SCN2A: variants seen among roughly 807,000 people sequenced by gnomAD.
SCN2A encodes the protein sodium channel protein type 2 subunit alpha.
SCN2A carries 20 observed loss-of-function variants against 188.7 expected under a neutral mutation model. The observed-to-expected ratio is 0.11, with a 90% CI of 0.07 to 0.15. The LOEUF (loss-of-function observed/expected upper bound fraction) is 0.15. Among genes scored for constraint, SCN2A ranks in the 10% least tolerant of loss-of-function variants. The probability of loss-of-function intolerance (pLI) is 1.00; values close to 1 mark genes in which losing one functional copy is unlikely to be tolerated. For missense variants in SCN2A, 1,278 were observed against 2,445.0 expected (o/e 0.52, Z 10.07); for synonymous variants, 804 against 833.1 (o/e 0.97, Z 0.60).
At chr2:165,337,095 C>T (rs1699043341) in intron 14 of SCN2A, among the ~76,000 whole-genome samples, 2 of 151,862 alleles carry the variant, frequency 1.3e-5, no homozygotes, top group African/African-American at 4.8e-5. Context: ...AAGGAATAAA[C>T]AGAGAACATG....
rs954163440 is a variant in SCN2A at position 165,387,159 on chromosome 2, G to A, written c.4822+143G>A. 5 of 841,536 alleles carry A rather than the reference G, an allele frequency of 5.9e-6. No homozygotes were observed. In the Admixed American group the frequency reaches 1.2e-4, roughly 20 times the overall value. 52.1% of individuals were successfully genotyped at this position (841,536 alleles called of 1,614,324 possible). On this transcript the variant is annotated intron_variant, in intron 26 of 26. Transcript: ENST00000375437. ...CTAATAGTCCATTGTTTTAGTTTTA[G>A]TTTGCCATTTCTCTAATTGCATGCT...
At chr2:165,381,722 G>C (rs1348582080) in intron 25 of SCN2A, among the ~76,000 whole-genome samples, 1 of 151,918 alleles carries the variant, frequency 6.6e-6, no homozygotes, top group Non-Finnish European at 1.5e-5. Context: ...ACCCTTAAAT[G>C]AGATGATATC....
intron 14 of SCN2A, among the ~76,000 whole-genome samples, chr2:165,338,502 C>T (rs1699133634): frequency 6.6e-6 from 1 of 151,946 alleles, no homozygotes; most frequent in African/African-American, 2.4e-5. Flanking sequence ...CCTCATGATC[C>T]GCCCGTCTCG....
At chr2:165,319,619 T>A (rs1697965650) in intron 11 of SCN2A, among the ~76,000 whole-genome samples, 1 of 152,148 alleles carries the variant, frequency 6.6e-6, no homozygotes, top group African/African-American at 2.4e-5. Context: ...AGCCTCACAA[T>A]CATGGCAGAA....
In SCN2A at chr2:165,388,840, G is replaced by A. The variant is rs748566957; in HGVS notation, c.5034G>A (p.Gly1678=). The change falls in exon 27 of 27, where the codon GGG becomes GGA. Residue 1678 remains glycine (G), a synonymous_variant. Transcript: ENST00000375437. Reference sequence around the variant, plus strand: ...TCATGTTCATCTACGCCATCTTTGGGATGTCCAATTTTGCCTATGTTAAGA... The same window carrying A: ...TCATGTTCATCTACGCCATCTTTGGAATGTCCAATTTTGCCTATGTTAAGA... ...FLVMFIYAIF[G]MSNFAYVKRE... 6.8e-6 allele frequency: 11 copies of A among 1,614,042 alleles called. No homozygotes were observed. The South Asian group carries it at 1.2e-4, about 18-fold the overall frequency.
intron 6 of SCN2A, among the ~76,000 whole-genome samples, chr2:165,309,647 G>A (rs1396268349): frequency 6.6e-6 from 1 of 152,138 alleles, no homozygotes; most frequent in African/African-American, 2.4e-5. Flanking sequence ...CAGCCTTTGA[G>A]TTTAACAAGT....
intron 13 of SCN2A, chr2:165,327,244 T>A: frequency 2.3e-6 from 1 of 434,550 alleles, no homozygotes. Context: ...ATTCTAAACA[T>A]TGAAACTTGT....
At chr2:165,362,331 T>C (rs1251943624) in intron 17 of SCN2A, among the ~76,000 whole-genome samples, 1 of 152,090 alleles carries the variant, frequency 6.6e-6, no homozygotes, top group East Asian at 1.9e-4. Flanking sequence ...ATTCTTCTAC[T>C]TTTAATGTGA....
chr2:165,297,810 T>A (rs1357747521), intron 3 of SCN2A, among the ~76,000 whole-genome samples: 1 of 152,228 alleles, frequency 6.6e-6, no homozygotes, highest in Non-Finnish European at 1.5e-5. Flanking sequence ...TTAATGTCTA[T>A]CTATCCATAT....
At chr2:165,359,514 C>T (rs1223502963) in intron 17 of SCN2A, among the ~76,000 whole-genome samples, 2 of 152,042 alleles carry the variant, frequency 1.3e-5, no homozygotes, top group Non-Finnish European at 2.9e-5. Flanking sequence ...TCAATCCTCA[C>T]ATTATGGCAA....
At chr2:165,288,408 C>G (rs77947975) in intron 1 of SCN2A, among the ~76,000 whole-genome samples, 1 of 136,778 alleles carries the variant, frequency 7.3e-6, no homozygotes, top group Non-Finnish European at 1.6e-5. Flanking sequence ...CTTTTTTTTT[C>G]TATTTTAAGT....
At chr2:165,344,468 TAAAAAATA>T in intron 15 of SCN2A, 79 bp from the exon 16 acceptor site, 1 of 841,344 alleles carries the variant, frequency 1.2e-6, no homozygotes, top group South Asian at 4.2e-5. Flanking sequence ...AAAATAAAAA[TAAAAAATA>T]AAAAAATAAA....
intron 7 of SCN2A, among the ~76,000 whole-genome samples, chr2:165,310,977 C>T (rs1014777127): frequency 2.0e-5 from 3 of 151,864 alleles, no homozygotes; most frequent in Non-Finnish European, 4.4e-5. Context: ...ATAATTTGGC[C>T]CTATTTGGTT....
chr2:165,335,390 C>G (rs1329086308), intron 14 of SCN2A, among the ~76,000 whole-genome samples: 2 of 151,656 alleles, frequency 1.3e-5, no homozygotes, highest in African/African-American at 4.8e-5. Context: ...TAGTTTGGTA[C>G]TGGCATAAGG....
intron 1 of SCN2A, among the ~76,000 whole-genome samples, chr2:165,249,229 A>G (rs549269544): frequency 1.3e-5 from 2 of 152,252 alleles, no homozygotes; most frequent in Admixed American, 1.3e-4. Flanking sequence ...TGTTTTAGTC[A>G]TAGGATGAGC....
intron 17 of SCN2A, among the ~76,000 whole-genome samples, chr2:165,355,002 A>G (rs1700110134): frequency 6.6e-6 from 1 of 152,178 alleles, no homozygotes; most frequent in Non-Finnish European, 1.5e-5. Flanking sequence ...ATTTGCCCAC[A>G]ACAGTGTTTT....
intron 16 of SCN2A, among the ~76,000 whole-genome samples, chr2:165,345,823 G>T (rs1399982020): frequency 6.6e-6 from 1 of 152,102 alleles, no homozygotes; most frequent in Non-Finnish European, 1.5e-5. Flanking sequence ...TAACAATTTG[G>T]TATGTTTTTG....
At chr2:165,291,526 T>TCCTC (rs1337286310) in intron 1 of SCN2A, among the ~76,000 whole-genome samples, 44 of 17,082 alleles carry the variant, frequency 2.6e-3, no homozygotes, top group African/African-American at 6.1e-3. Context: ...TCTCCTTTCT[T>TCCTC]TCCTTCCTTC....
intron 1 of SCN2A, among the ~76,000 whole-genome samples, chr2:165,288,538 T>C (rs1339282432): frequency 6.6e-6 from 1 of 150,948 alleles, no homozygotes; most frequent in Non-Finnish European, 1.5e-5. Flanking sequence ...AAACCTAGCA[T>C]TAAAAAAAAA....
Sources: allele counts gnomAD v4.1 joint callset (sites outside exome capture counted in the v4.1 genomes callset), GRCh38; gene constraint gnomAD v4.1.1; transcripts MANE v1.5; gene names NCBI Gene and HGNC (gene_info 2026-07-23, HGNC 2026-07-21).